Variants in CDON observed in about 807,000 individuals in gnomAD.
The protein encoded by CDON is cell adhesion associated, oncogene regulated.
In CDON, 73 loss-of-function variants were observed where a neutral mutation model predicts 120.9. The observed-to-expected ratio is 0.60, with a 90% CI of 0.50 to 0.73. The LOEUF is 0.73. Among genes scored for constraint, CDON ranks in the 30% least tolerant of loss-of-function variants. CDON has a pLI of 0.00. For missense variants in CDON, 1,470 were observed against 1,587.3 expected (o/e 0.93, Z 1.26); for synonymous variants, 566 against 573.5 (o/e 0.99, Z 0.19).
chr11:126,044,377 G>A (rs1392059775), intron 1 of CDON, among the ~76,000 whole-genome samples: 1 of 152,152 alleles, frequency 6.6e-6, no homozygotes, highest in Non-Finnish European at 1.5e-5. Context: ...CAATGACACT[G>A]CTGGATATAT....
At chr11:126,042,273 TGC>T (rs1948282677) in intron 1 of CDON, among the ~76,000 whole-genome samples, 1 of 152,226 alleles carries the variant, frequency 6.6e-6, no homozygotes. Flanking sequence ...AAATCAGAGC[TGC>T]CCAAGAAAGA....
At chr11:126,032,011 T>G (rs1015175709) in intron 1 of CDON, among the ~76,000 whole-genome samples, 1 of 152,236 alleles carries the variant, frequency 6.6e-6, no homozygotes, top group African/African-American at 2.4e-5. Context: ...TGTTTTTCTA[T>G]CTGTGAAATC....
chr11:126,041,188 TAA>T (rs562515383), intron 1 of CDON, among the ~76,000 whole-genome samples: 37 of 94,054 alleles, frequency 3.9e-4, no homozygotes, highest in African/African-American at 1.0e-3. Flanking sequence ...TGAGACTGTC[TAA>T]AAAAAAAAAA....
At chr11:126,041,362 GA>G (rs1948258961) in intron 1 of CDON, among the ~76,000 whole-genome samples, 1 of 152,122 alleles carries the variant, frequency 6.6e-6, no homozygotes, top group Non-Finnish European at 1.5e-5. Context: ...AAAGGCATAT[GA>G]CCAACTGTGG....
chr11:126,023,386 C>T lies in CDON; in HGVS notation c.76+15G>A. The stretch of plus-strand genomic sequence containing the variant: ...AGTAAAGGCCAAACCACCCCCTCCC[C>T]AATTCTACTCTTACCTGAACTCACA... On this transcript the variant is annotated intron_variant, in intron 2 of 19. Transcript: ENST00000531738. 6.4e-7 allele frequency: 1 copy of T among 1,565,864 alleles called. No homozygotes were observed.
chr11:126,021,101 A>G (rs1386434352), intron 3 of CDON, 147 bp downstream of exon 3: 1 of 783,220 alleles, frequency 1.3e-6, no homozygotes, highest in Non-Finnish European at 2.1e-6. Flanking sequence ...GCACTTCCAC[A>G]ATATACTCAC....
intron 17 of CDON, among the ~76,000 whole-genome samples, chr11:125,980,603 G>A (rs543550411): frequency 3.3e-5 from 5 of 152,112 alleles, no homozygotes; most frequent in Non-Finnish European, 5.9e-5. Context: ...GTCAAACCGC[G>A]GCTGCTTCCT....
At position 126,021,247 on chromosome 11, in the gene CDON, C is replaced by T; in HGVS notation, c.349+1G>A. ...CCTAACAGGGACAAAATTAAACTCA[C>T]CTGCCACAGATACTGTCGCAGGGCC... On this transcript the variant is annotated splice_donor_variant, in intron 3 of 19. Transcript: ENST00000531738. LOFTEE classifies it high-confidence loss of function. 1.2e-6 allele frequency: 2 copies of T among 1,613,844 alleles called. No homozygotes were observed. Among genetic ancestry groups the T allele is most frequent in the Non-Finnish European group, 1.7e-6 (2 of 1,179,910 alleles).
intron 16 of CDON, 138 bp downstream of exon 16, chr11:125,983,734 T>C (rs1361013813): frequency 2.8e-6 from 2 of 725,542 alleles, no homozygotes; most frequent in Non-Finnish European, 4.8e-6. Flanking sequence ...TAAAGTCATC[T>C]CCTCTGAATG....
chr11:126,032,963 G>A (rs916408784), intron 1 of CDON, among the ~76,000 whole-genome samples: 10 of 152,134 alleles, frequency 6.6e-5, no homozygotes, highest in African/African-American at 1.7e-4. Context: ...AGCTATGATC[G>A]CACCACTGTA....
chr11:125,978,064 T>G (rs937139009), intron 18 of CDON, among the ~76,000 whole-genome samples: 3 of 152,188 alleles, frequency 2.0e-5, no homozygotes, highest in Non-Finnish European at 4.4e-5. Flanking sequence ...CTTATAATAA[T>G]ATTTCAGTGA....
intron 18 of CDON, among the ~76,000 whole-genome samples, chr11:125,975,084 C>T (rs191016797): frequency 6.6e-6 from 1 of 152,328 alleles, no homozygotes; most frequent in Admixed American, 6.5e-5. Context: ...CAGATCATTC[C>T]TGTTCTCAAT....
intron 3 of CDON, among the ~76,000 whole-genome samples, chr11:126,020,407 T>C (rs541424998): frequency 1.3e-5 from 2 of 152,332 alleles, no homozygotes; most frequent in Non-Finnish European, 2.9e-5. Flanking sequence ...TCAATTCCTC[T>C]CAGTCTCAGT....
At chr11:126,013,813 CT>C (rs146500072) in intron 7 of CDON, among the ~76,000 whole-genome samples, 9,215 of 151,928 alleles carry the variant, frequency 0.061, 344 homozygotes, top group African/African-American at 0.11. Context: ...TTTTTATGAT[CT>C]TTTTTTCTTT....
chr11:125,992,119 T>C (rs1363125369), intron 14 of CDON, among the ~76,000 whole-genome samples: 1 of 152,134 alleles, frequency 6.6e-6, no homozygotes, highest in Non-Finnish European at 1.5e-5. Context: ...AGAACCATTT[T>C]ATGGCAAATA....
chr11:126,019,320 A>G (rs1947562878), intron 4 of CDON, among the ~76,000 whole-genome samples: 1 of 152,214 alleles, frequency 6.6e-6, no homozygotes, highest in Non-Finnish European at 1.5e-5. Flanking sequence ...TCAATTCTAT[A>G]AAGAAAAGCA....
chr11:126,025,309 A>G (rs2134719204), intron 1 of CDON, among the ~76,000 whole-genome samples: 1 of 152,342 alleles, frequency 6.6e-6, no homozygotes, highest in East Asian at 1.9e-4. Flanking sequence ...AAGATGAGAC[A>G]CCATCAGAAA....
intron 4 of CDON, among the ~76,000 whole-genome samples, chr11:126,019,401 A>G (rs1947565945): frequency 6.6e-6 from 1 of 152,192 alleles, no homozygotes; most frequent in Non-Finnish European, 1.5e-5. Flanking sequence ...TATCTTTTCC[A>G]AGGAAGTGAA....
intron 1 of CDON, among the ~76,000 whole-genome samples, chr11:126,061,606 C>G (rs1948797525): frequency 6.6e-6 from 1 of 152,190 alleles, no homozygotes; most frequent in African/African-American, 2.4e-5. Flanking sequence ...ATGTTATCAG[C>G]GCCGAAAGGA....
Sources: gnomAD v4.1 joint callset for allele counts (sites outside exome capture counted in the v4.1 genomes callset) on GRCh38, gnomAD v4.1.1 for gene constraint, MANE v1.5 for transcripts, NCBI Gene and HGNC (gene_info 2026-07-23, HGNC 2026-07-21) for gene names.